The following CNTNAP2 variants were observed in gnomAD, a reference collection of about 807,000 sequenced individuals.
The protein encoded by CNTNAP2 is contactin-associated protein-like 2.
Under a neutral mutation model 155.2 loss-of-function variants are expected in CNTNAP2, and 98 were observed. That is an observed-to-expected ratio of 0.63 (90% CI 0.54 to 0.75). The LOEUF (loss-of-function observed/expected upper bound fraction) is 0.75. Among genes scored for constraint, CNTNAP2 ranks in the 30% least tolerant of loss-of-function variants. The probability of loss-of-function intolerance (pLI) is 0.00; values close to 1 mark genes in which losing one functional copy is unlikely to be tolerated. For missense variants in CNTNAP2, 1,727 were observed against 1,688.1 expected, an observed-to-expected ratio of 1.02 and a Z score of -0.40; for synonymous variants, 651 against 631.2, an observed-to-expected ratio of 1.03 and a Z score of -0.47.
intron 1 of CNTNAP2, among the ~76,000 whole-genome samples, chr7:146,598,726 A>G (rs973344943): frequency 4.2e-4 from 64 of 152,084 alleles, no homozygotes; most frequent in African/African-American, 1.5e-3. Context: ...TTCTTTCTCA[A>G]ACTTCTCTAT....
chr7:146,939,487 T>G lies in CNTNAP2; in HGVS notation c.402+99583T>G, dbSNP rs74657216. On this transcript the variant is annotated intron_variant, in intron 3 of 23. Coordinates refer to ENST00000361727, the MANE Select transcript of CNTNAP2 (RefSeq NM_014141.6). ...TTACTTCTTTCTCTGAAATATCTTTTCCAGCAAAATAAATGGTTTGAAATA... is the reference window on the plus strand; with the variant it reads ...TTACTTCTTTCTCTGAAATATCTTTGCCAGCAAAATAAATGGTTTGAAATA... Among the ~76,000 whole-genome samples the G allele has an allele frequency of 2.4e-3, 371 of 152,346 alleles. 1 individual carries two copies. Among genetic ancestry groups the G allele is most frequent in the Admixed American group, 5.7e-3 (87 of 15,302 alleles).
intron 16 of CNTNAP2, among the ~76,000 whole-genome samples, chr7:148,125,623 A>T (rs1287500595): frequency 2.9e-5 from 4 of 138,626 alleles, no homozygotes; most frequent in African/African-American, 1.1e-4. Context: ...CATTTTCTTT[A>T]TTTGAGACTA....
At chr7:147,280,962 C>G (rs894006411) in intron 8 of CNTNAP2, among the ~76,000 whole-genome samples, 5 of 151,838 alleles carry the variant, frequency 3.3e-5, no homozygotes, top group Non-Finnish European at 7.4e-5. Context: ...AAATCTTTGA[C>G]TTGAATTTCA....
In CNTNAP2 at chr7:148,020,875, A is replaced by T. The variant is rs1802268483; in HGVS notation, c.2383+42886A>T. 2.6e-5 allele frequency among the ~76,000 whole-genome samples: 4 copies of T among 152,356 alleles called. No individual in the cohort carries two copies. The South Asian group carries it at 6.2e-4, about 24-fold the overall frequency. ...ATGCTACCGTAATTAAAGAAAAGCT[A>T]AAAAGGTCAAAAACAAGAATGTGGT... On this transcript the variant is annotated intron_variant, in intron 15 of 23. Transcript: ENST00000361727.
At chr7:146,657,819 A>G (rs1800020866) in intron 1 of CNTNAP2, among the ~76,000 whole-genome samples, 1 of 152,166 alleles carries the variant, frequency 6.6e-6, no homozygotes, top group South Asian at 2.1e-4. Context: ...GAAACCTTTT[A>G]GAATGCAAAA....
rs1436530683 is a variant in CNTNAP2 at position 146,929,939 on chromosome 7, T to G, written c.402+90035T>G. 2.6e-5 allele frequency among the ~76,000 whole-genome samples: 4 copies of G among 152,034 alleles called. No homozygotes were observed. The East Asian group carries it at 7.7e-4, about 29-fold the overall frequency. ...AGCCTCCAAGAAATATGGGACTATG[T>G]GAAAAGACCAAATCTACGTCTGACT... On this transcript the variant is annotated intron_variant, in intron 3 of 23. Coordinates refer to ENST00000361727, the MANE Select transcript of CNTNAP2 (RefSeq NM_014141.6).
intron 1 of CNTNAP2, among the ~76,000 whole-genome samples, chr7:146,163,141 G>C (rs1190092994): frequency 1.3e-5 from 2 of 151,864 alleles, no homozygotes; most frequent in Non-Finnish European, 2.9e-5. Context: ...ATGTACCCTA[G>C]AACTTAAAGT....
chr7:146,368,832 G>A (rs1422252585), intron 1 of CNTNAP2, among the ~76,000 whole-genome samples: 1 of 136,560 alleles, frequency 7.3e-6, no homozygotes, highest in South Asian at 2.2e-4. Context: ...TGATTCTTCA[G>A]TGGAGAAAAT....
intron 13 of CNTNAP2, among the ~76,000 whole-genome samples, chr7:147,864,998 T>C (rs1799202600): frequency 6.6e-6 from 1 of 152,218 alleles, no homozygotes; most frequent in South Asian, 2.1e-4. Context: ...CATCCTTGTC[T>C]TGTGCCAGTT....
intron 8 of CNTNAP2, among the ~76,000 whole-genome samples, chr7:147,239,984 AT>A (rs1159288467): frequency 6.6e-6 from 1 of 152,116 alleles, no homozygotes; most frequent in Non-Finnish European, 1.5e-5. Flanking sequence ...GAATTATGAG[AT>A]TTTGGTGTAT....
chr7:147,306,452 C>T (rs181109243), intron 9 of CNTNAP2, among the ~76,000 whole-genome samples: 17 of 152,056 alleles, frequency 1.1e-4, no homozygotes, highest in African/African-American at 2.7e-4. Context: ...CGTAGGACCA[C>T]GTATAGAATT....
intron 11 of CNTNAP2, among the ~76,000 whole-genome samples, chr7:147,558,313 A>T (rs952075149): frequency 6.6e-6 from 1 of 152,142 alleles, no homozygotes; most frequent in Non-Finnish European, 1.5e-5. Flanking sequence ...TCATATGTAC[A>T]ATTTTACTGT....
At chr7:147,817,515 T>TGGGTGC (rs1798285924) in intron 13 of CNTNAP2, among the ~76,000 whole-genome samples, 1 of 152,198 alleles carries the variant, frequency 6.6e-6, no homozygotes. Flanking sequence ...GCTCAGTTGA[T>TGGGTGC]GGGTGCACCA....
chr7:147,630,316 T>TAAAAAAAAAAAAAAAAAAAAAAAACAAA (rs71183024), intron 12 of CNTNAP2, among the ~76,000 whole-genome samples: 1 of 73,078 alleles, frequency 1.4e-5, no homozygotes, highest in Non-Finnish European at 2.9e-5. Flanking sequence ...GAAACAGTAG[T>TAAAAAAAAAAAAAAAAAAAAAAAACAAA]AAAAAAAAAA....
chr7:147,746,681 T>C (rs1434576855), intron 13 of CNTNAP2, among the ~76,000 whole-genome samples: 1 of 152,130 alleles, frequency 6.6e-6, no homozygotes. Flanking sequence ...ATGGGACCAA[T>C]TGTTTTCTCC....
At chr7:147,396,285 A>G (rs1796815521) in intron 10 of CNTNAP2, among the ~76,000 whole-genome samples, 1 of 151,646 alleles carries the variant, frequency 6.6e-6, no homozygotes, top group South Asian at 2.1e-4. Context: ...TGCAAGCAAC[A>G]GCAGTGTGGC....
At chr7:146,809,392 C>T (rs547272547) in intron 2 of CNTNAP2, among the ~76,000 whole-genome samples, 12 of 151,826 alleles carry the variant, frequency 7.9e-5, no homozygotes, top group African/African-American at 2.9e-4. Flanking sequence ...GATGGAGCCT[C>T]ACTCTGTCAC....
chr7:146,785,284 C>T (rs894015941), intron 2 of CNTNAP2, among the ~76,000 whole-genome samples: 8 of 152,080 alleles, frequency 5.3e-5, no homozygotes, highest in African/African-American at 1.4e-4. Flanking sequence ...TATATGCTAA[C>T]TTTATTCATA....
At chr7:147,070,732 G>A (rs1316248834) in intron 4 of CNTNAP2, among the ~76,000 whole-genome samples, 1 of 152,178 alleles carries the variant, frequency 6.6e-6, no homozygotes, top group Non-Finnish European at 1.5e-5. Context: ...GTCCTTCTTA[G>A]AGTACGGATT....
Sources: allele counts gnomAD v4.1 joint callset (sites outside exome capture counted in the v4.1 genomes callset), GRCh38; gene constraint gnomAD v4.1.1; transcripts MANE v1.5; gene names NCBI Gene and HGNC (gene_info 2026-07-23, HGNC 2026-07-21).